The following SGPP2 variants were observed in gnomAD, a reference collection of about 807,000 sequenced individuals.
SGPP2 encodes sphingosine 1-phosphate phosphohydrolase 2.
A neutral mutation model predicts 33.9 loss-of-function variants in SGPP2; 30 were observed. The observed-to-expected ratio is 0.89, with a 90% CI of 0.66 to 1.20. The LOEUF (loss-of-function observed/expected upper bound fraction) is 1.20, where lower values mean the gene tolerates loss of function less well. Among genes scored for constraint, SGPP2 ranks in the 50% most tolerant of loss-of-function variants. The pLI is 0.00. For missense variants in SGPP2, 458 were observed against 532.1 expected (o/e 0.86, Z 1.37); for synonymous variants, 233 against 225.0 (o/e 1.04, Z -0.32).
intron 2 of SGPP2, among the ~76,000 whole-genome samples, chr2:222,506,695 A>C (rs760640476): frequency 6.6e-6 from 1 of 152,152 alleles, no homozygotes; most frequent in Non-Finnish European, 1.5e-5. Flanking sequence ...TTATGCATGG[A>C]TTTCAACTGC....
chr2:222,554,352 G>A (rs556036360), intron 4 of SGPP2, among the ~76,000 whole-genome samples: 2 of 152,292 alleles, frequency 1.3e-5, no homozygotes, highest in East Asian at 3.9e-4. Context: ...TCCACTGCGT[G>A]GCTATATCAT....
At chr2:222,526,880 G>A (rs910930279) in intron 4 of SGPP2, among the ~76,000 whole-genome samples, 1 of 152,138 alleles carries the variant, frequency 6.6e-6, no homozygotes, top group South Asian at 2.1e-4. Flanking sequence ...GGGGGTGAGG[G>A]GAGGAACTTA....
Position 222,558,942 on chromosome 2 carries a change from G to A in SGPP2, c.*44G>A. 1.9e-6 allele frequency: 3 copies of A among 1,563,492 alleles called. No individual in the cohort carries two copies. Among genetic ancestry groups the A allele is most frequent in the Non-Finnish European group, 2.6e-6 (3 of 1,149,562 alleles). On this transcript the variant is annotated 3_prime_UTR_variant, in exon 5 of 5. Coordinates refer to ENST00000321276, the MANE Select transcript of SGPP2 (RefSeq NM_152386.4). ...CTAGCCCACTGGACATGAAAGCCAAGACATAGGAAAGTTATTGGTAGGCAA... is the reference window on the plus strand; with the variant it reads ...CTAGCCCACTGGACATGAAAGCCAAAACATAGGAAAGTTATTGGTAGGCAA...
intron 1 of SGPP2, among the ~76,000 whole-genome samples, chr2:222,443,071 C>T (rs892164233): frequency 1.3e-5 from 2 of 152,158 alleles, no homozygotes; most frequent in Non-Finnish European, 2.9e-5. Context: ...ATGCTTCCTC[C>T]TCTAAAAAAC....
In SGPP2 at chr2:222,521,998, G is replaced by A. The variant is rs778200419; in HGVS notation, c.558+52G>A. 3.5e-6 allele frequency: 5 copies of A among 1,434,372 alleles called. No individual in the cohort carries two copies. In the African/African-American group the frequency reaches 4.4e-5, roughly 13 times the overall value. 88.9% of individuals were successfully genotyped at this position (1,434,372 alleles called of 1,614,324 possible). On this transcript the variant is annotated intron_variant, in intron 3 of 4. Transcript: ENST00000321276. ...CCCACCTACTGAGGCAGCAAATAGA[G>A]GCTGCACTTCTGAATTTTCTCTTAA...
Position 222,455,074 on chromosome 2 carries a change from GAGTA to G in SGPP2, c.220-19491_220-19488del, listed in dbSNP as rs555943984. 2.8e-3 allele frequency among the ~76,000 whole-genome samples: 428 copies of G among 152,222 alleles called. 2 individuals are homozygous for G. Among genetic ancestry groups the G allele is most frequent in the African/African-American group, 1.0e-2 (414 of 41,538 alleles). The stretch of plus-strand genomic sequence containing the variant: ...AGATGAAAAAAACTAACAGGTACAA[GAGTA>G]AGAGAATTAGGCTGGTCATGGTGGC... On this transcript the variant is annotated intron_variant, in intron 1 of 4. Coordinates refer to ENST00000321276, the MANE Select transcript of SGPP2 (RefSeq NM_152386.4).
chr2:222,430,082 G>A (rs1425072113), intron 1 of SGPP2, among the ~76,000 whole-genome samples: 1 of 63,514 alleles, frequency 1.6e-5, no homozygotes, highest in Non-Finnish European at 3.4e-5. Flanking sequence ...AGGATGCAGT[G>A]CAAAAAATAA....
At position 222,560,756 on chromosome 2, in the gene SGPP2, G is replaced by C. The variant is rs990837149; in HGVS notation, c.*1858G>C. On this transcript the variant is annotated 3_prime_UTR_variant, in exon 5 of 5. Transcript: ENST00000321276. The stretch of plus-strand genomic sequence containing the variant: ...TCACATTTTTCTTGATTTCAAATAT[G>C]TTCTACGGCCTTACTGTTGGGATGA... 1.3e-5 allele frequency: 2 copies of C among 152,096 alleles called. No individual in the cohort carries two copies. Among genetic ancestry groups the C allele is most frequent in the African/African-American group, 4.8e-5 (2 of 41,418 alleles). The allele number at this position is 152,096 out of a possible 1,614,324, so 9.4% of individuals were successfully genotyped here.
At chr2:222,448,453 C>T (rs1274148150) in intron 1 of SGPP2, among the ~76,000 whole-genome samples, 1 of 152,212 alleles carries the variant, frequency 6.6e-6, no homozygotes, top group Non-Finnish European at 1.5e-5. Flanking sequence ...CACTTACTCT[C>T]CCACTTGTTG....
intron 2 of SGPP2, chr2:222,504,728 CTAT>C (rs1698419160): frequency 6.6e-6 from 1 of 152,184 alleles, no homozygotes; most frequent in Non-Finnish European, 1.5e-5. Flanking sequence ...CACGTAGTCC[CTAT>C]TGCTGAGGTC....
rs543595866 is a variant in SGPP2 at position 222,457,351 on chromosome 2, T to A, written c.220-17217T>A. On this transcript the variant is annotated intron_variant, in intron 1 of 4. Transcript: ENST00000321276. ...TATGAAAAGATGAGATGACCTTTAA[T>A]GTGTAAGGCCTATGCATTAATATTT... Among the ~76,000 whole-genome samples, 9 of 152,276 alleles carry A rather than the reference T, an allele frequency of 5.9e-5. No individual in the cohort carries two copies. In the East Asian group the frequency reaches 1.7e-3, roughly 29 times the overall value.
intron 2 of SGPP2, among the ~76,000 whole-genome samples, chr2:222,516,388 G>A (rs1014718010): frequency 6.6e-6 from 1 of 152,200 alleles, no homozygotes; most frequent in Admixed American, 6.5e-5. Context: ...GTAGTATTCA[G>A]TTGTGTGATT....
rs566676304 is a variant in SGPP2 at position 222,477,396 on chromosome 2, GGT to G, written c.378+2675_378+2676del. Among the ~76,000 whole-genome samples, 1,008 of 150,292 alleles carry G rather than the reference GGT, an allele frequency of 6.7e-3. 9 individuals are homozygous for G. Among genetic ancestry groups the G allele is most frequent in the African/African-American group, 0.024 (965 of 40,822 alleles). ...ATATAGGTGTGTATATATGTGTATAGGTGTGTATATATGTGTGTTTATAGGTA... is the reference window on the plus strand; with the variant it reads ...ATATAGGTGTGTATATATGTGTATAGGTGTATATATGTGTGTTTATAGGTA... On this transcript the variant is annotated intron_variant, in intron 2 of 4. Coordinates refer to ENST00000321276, the MANE Select transcript of SGPP2 (RefSeq NM_152386.4). This position sits in a 1 kb window ranked among gnomAD's most constrained non-coding sequence, Gnocchi z 6.0.
At chr2:222,549,559 T>C (rs1460870350) in intron 4 of SGPP2, among the ~76,000 whole-genome samples, 8 of 152,234 alleles carry the variant, frequency 5.3e-5, no homozygotes, top group African/African-American at 1.7e-4. Context: ...AGCATTCTTT[T>C]CTACACACTG....
intron 1 of SGPP2, among the ~76,000 whole-genome samples, chr2:222,473,578 A>T (rs1293144767): frequency 6.6e-6 from 1 of 152,200 alleles, no homozygotes; most frequent in Non-Finnish European, 1.5e-5. Context: ...ATACAGTTAG[A>T]AGAAATAAGT....
In SGPP2 at chr2:222,476,960, GTGTGTATA is replaced by G. The variant is rs1697946137; in HGVS notation, c.378+2244_378+2251del. ...ATAGGTGTGTATGTATGTATGTATA[GTGTGTATA>G]TGTGTATATATAGGTGTGTGTATAT... On this transcript the variant is annotated intron_variant, in intron 2 of 4. Coordinates refer to ENST00000321276, the MANE Select transcript of SGPP2 (RefSeq NM_152386.4). This position sits in a 1 kb window ranked among gnomAD's most constrained non-coding sequence, Gnocchi z 4.3. Among the ~76,000 whole-genome samples, 1 of 151,472 alleles carries G rather than the reference GTGTGTATA, an allele frequency of 6.6e-6. No homozygotes were observed. Among genetic ancestry groups the G allele is most frequent in the Non-Finnish European group, 1.5e-5 (1 of 67,852 alleles).
chr2:222,488,812 A>G (rs1449522949), intron 2 of SGPP2, among the ~76,000 whole-genome samples: 3 of 152,226 alleles, frequency 2.0e-5, no homozygotes, highest in Non-Finnish European at 4.4e-5. Context: ...TGCATAGCAT[A>G]TACTCAGATT....
intron 1 of SGPP2, among the ~76,000 whole-genome samples, chr2:222,439,614 C>G (rs531289180): frequency 1.3e-5 from 2 of 152,252 alleles, no homozygotes; most frequent in Admixed American, 6.5e-5. Flanking sequence ...TAGAATACTA[C>G]TCAGCAGTAA....
In SGPP2 at chr2:222,450,392, C is replaced by T. The variant is rs111850331; in HGVS notation, c.220-24176C>T. Reference sequence around the variant, plus strand: ...TTGTGGAAATTTTCCAAATAATCATCTTTCTCTTCTTTTATCTTTCCTTCC... The same window carrying T: ...TTGTGGAAATTTTCCAAATAATCATTTTTCTCTTCTTTTATCTTTCCTTCC... On this transcript the variant is annotated intron_variant, in intron 1 of 4. Transcript: ENST00000321276. Among the ~76,000 whole-genome samples the T allele has an allele frequency of 8.5e-3, 1,297 of 152,324 alleles. 16 individuals carry two copies. Among genetic ancestry groups the T allele is most frequent in the Non-Finnish European group, 0.013 (898 of 68,034 alleles).
Sources: gnomAD v4.1 joint callset for allele counts (sites outside exome capture counted in the v4.1 genomes callset) on GRCh38, gnomAD v4.1.1 for gene constraint, Gnocchi (gnomAD v3.1) non-coding constraint, MANE v1.5 for transcripts, NCBI Gene and HGNC (gene_info 2026-07-23, HGNC 2026-07-21) for gene names.